PTPRT: variants seen among roughly 807,000 people sequenced by gnomAD.
PTPRT encodes protein tyrosine phosphatase receptor type T.
A neutral mutation model predicts 176.8 loss-of-function variants in PTPRT; 56 were observed. The ratio of observed to expected loss-of-function variants is 0.32; its 90% CI spans 0.26 to 0.40. The LOEUF is 0.40. Ranked by LOEUF, PTPRT falls within the 10% of genes least tolerant of loss-of-function variation. The pLI is 1.00. For synonymous variants in PTPRT, 783 were observed against 739.0 expected (o/e 1.06, Z -0.96); for missense variants, 1,540 against 1,908.2 (o/e 0.81, Z 3.60).
At chr20:42,547,913 AT>A (rs1330463708) in intron 7 of PTPRT, among the ~76,000 whole-genome samples, 4 of 152,036 alleles carry the variant, frequency 2.6e-5, no homozygotes, top group Admixed American at 2.6e-4. Flanking sequence ...AATCAATAGC[AT>A]TTTTCTACAC....
At chr20:42,607,238 G>T (rs370113665) in intron 7 of PTPRT, among the ~76,000 whole-genome samples, 1 of 152,124 alleles carries the variant, frequency 6.6e-6, no homozygotes, top group African/African-American at 2.4e-5. Flanking sequence ...TCTCCATTTT[G>T]CAAGAAAAAG....
chr20:42,291,687 C>T (rs144436321), intron 12 of PTPRT, among the ~76,000 whole-genome samples: 8 of 152,132 alleles, frequency 5.3e-5, no homozygotes, highest in African/African-American at 1.9e-4. Context: ...CACAGACATG[C>T]AAAGGCCTGA....
intron 2 of PTPRT, among the ~76,000 whole-genome samples, chr20:42,863,112 G>A (rs1477278468): frequency 6.6e-6 from 1 of 152,214 alleles, no homozygotes; most frequent in Non-Finnish European, 1.5e-5. Context: ...GTGAACAGCA[G>A]AGCCAGGGTT....
At chr20:42,046,791 G>C in the PTPRT span, among the ~76,000 whole-genome samples, 2 of 152,046 alleles carry the variant, frequency 1.3e-5, no homozygotes, top group Non-Finnish European at 2.9e-5. Flanking sequence ...GTGTGTGTGT[G>C]TGTGTCTGTG....
chr20:42,500,377 T>C (rs2071730906), intron 7 of PTPRT, among the ~76,000 whole-genome samples: 1 of 151,990 alleles, frequency 6.6e-6, no homozygotes, highest in Admixed American at 6.6e-5. Context: ...TTAAATTTTA[T>C]AATTATTATA....
intron 1 of PTPRT, among the ~76,000 whole-genome samples, chr20:43,135,770 A>C (rs1193798082): frequency 6.6e-6 from 1 of 152,176 alleles, no homozygotes; most frequent in Non-Finnish European, 1.5e-5. Context: ...TGCTGCATTA[A>C]AGAATGCAAG....
chr20:42,495,467 C>T (rs1001449647), intron 7 of PTPRT, among the ~76,000 whole-genome samples: 1 of 152,088 alleles, frequency 6.6e-6, no homozygotes, highest in African/African-American at 2.4e-5. Context: ...TGTCCATGCA[C>T]CTGGCATCCT....
At position 42,098,287 on chromosome 20, in the gene PTPRT, G is replaced by A. The variant is rs375171474; in HGVS notation, c.3846+134C>T. ...TAGCAGAATGGCTTGTCTGATGCTC[G>A]TGGCCAGACACTGCTTATTACAAGA... On this transcript the variant is annotated intron_variant, in intron 27 of 30. Coordinates refer to ENST00000373187, the MANE Select transcript of PTPRT (RefSeq NM_007050.6). 2.9e-4 allele frequency: 360 copies of A among 1,237,608 alleles called. 1 individual carries two copies. The highest frequency in any genetic ancestry group is 3.9e-4 in the East Asian group (16 of 40,710). The allele number at this position is 1,237,608 out of a possible 1,614,324, so 76.7% of individuals were successfully genotyped here. A position where few individuals can be genotyped will look rare whatever the true frequency, so the allele number is the denominator to read the frequency against.
intron 1 of PTPRT, among the ~76,000 whole-genome samples, chr20:43,053,348 C>T (rs947745270): frequency 1.3e-5 from 2 of 152,286 alleles, no homozygotes; most frequent in African/African-American, 4.8e-5. Flanking sequence ...TGGTCCCTTG[C>T]CCCTGGGCTT....
chr20:42,308,608 C>G (rs766399086), intron 12 of PTPRT, among the ~76,000 whole-genome samples: 3 of 152,138 alleles, frequency 2.0e-5, no homozygotes, highest in Non-Finnish European at 4.4e-5. Context: ...CTTTAATATA[C>G]ATTGTCTAAT....
Position 42,211,197 on chromosome 20 carries a change from A to G in PTPRT, c.2343-11809T>C, listed in dbSNP as rs528262837. Among the ~76,000 whole-genome samples, 397 of 152,034 alleles carry G rather than the reference A, an allele frequency of 2.6e-3. 2 individuals carry two copies. The highest frequency in any genetic ancestry group is 9.1e-3 in the African/African-American group (374 of 41,284). On this transcript the variant is annotated intron_variant, in intron 15 of 30. Coordinates refer to ENST00000373187, the MANE Select transcript of PTPRT (RefSeq NM_007050.6). ...AGACCTAAAACCATAAAAACCCTAG[A>G]AGGAAACCTAGGCATTACCATTCAG...
rs150178034 is a variant in PTPRT, at chr20:43,049,523, C to T, written c.88+140123G>A. On this transcript the variant is annotated intron_variant, in intron 1 of 30. Coordinates refer to ENST00000373187, the MANE Select transcript of PTPRT (RefSeq NM_007050.6). ...ATAAAACCTGATTATCATCTTCAAT[C>T]CAAACATCTCAGACACAGGTAGACC... is the stretch of plus-strand genomic sequence containing the variant. Among the ~76,000 whole-genome samples, 12 of 152,276 alleles carry T rather than the reference C, an allele frequency of 7.9e-5. No individual in the cohort carries two copies. In the East Asian group the frequency reaches 1.3e-3, roughly 17 times the overall value.
At chr20:43,101,739 T>C (rs904877279) in intron 1 of PTPRT, among the ~76,000 whole-genome samples, 13 of 152,140 alleles carry the variant, frequency 8.5e-5, no homozygotes, top group African/African-American at 2.9e-4. Context: ...GATTATTCCA[T>C]TCAGCTGCTG....
intron 6 of PTPRT, among the ~76,000 whole-genome samples, chr20:42,723,659 T>C (rs2076336258): frequency 6.6e-6 from 1 of 152,192 alleles, no homozygotes; most frequent in African/African-American, 2.4e-5. Flanking sequence ...TTCTACCCAA[T>C]GTAGCCAACT....
intron 7 of PTPRT, among the ~76,000 whole-genome samples, chr20:42,492,199 A>G (rs1007248215): frequency 1.3e-5 from 2 of 152,218 alleles, no homozygotes; most frequent in South Asian, 4.1e-4. Flanking sequence ...CCTGGAATAA[A>G]TGCCTAAGCG....
chr20:43,177,898 A>G (rs3091415), intron 1 of PTPRT, among the ~76,000 whole-genome samples: 1 of 152,194 alleles, frequency 6.6e-6, no homozygotes, highest in East Asian at 1.9e-4. Flanking sequence ...CACTTTTCCA[A>G]CAAAAATGGT....
chr20:42,796,161 C>T (rs1053574347), intron 2 of PTPRT, among the ~76,000 whole-genome samples: 15 of 152,198 alleles, frequency 9.9e-5, no homozygotes, highest in Non-Finnish European at 2.1e-4. Context: ...GCAGAGACTA[C>T]AGGGTCTAGG....
the PTPRT span, among the ~76,000 whole-genome samples, chr20:42,035,934 G>C: frequency 6.6e-6 from 1 of 152,304 alleles, no homozygotes; most frequent in South Asian, 2.1e-4. Flanking sequence ...ATCTAAAGTA[G>C]ACCTTGAGAC....
Position 42,081,966 on chromosome 20 carries a change from C to T in PTPRT, c.4188G>A (p.Glu1396=), listed in dbSNP as rs1222419452. The change falls in exon 30 of 31, where the codon GAG becomes GAA. Residue 1396 remains glutamate, a synonymous_variant. Coordinates refer to ENST00000373187, the MANE Select transcript of PTPRT (RefSeq NM_007050.6). Reference sequence around the variant, plus strand: ...CAATGATGTTTTGCTGCTGGATCATCTCACACACACTGCAGATGGCACAGA... The same window carrying T: ...CAATGATGTTTTGCTGCTGGATCATTTCACACACACTGCAGATGGCACAGA... The part of the protein sequence containing the change: ...GTFCAICSVC[E]MIQQQNIIDV... 1.2e-6 allele frequency: 2 copies of T among 1,614,126 alleles called. No individual in the cohort carries two copies. The highest frequency in any genetic ancestry group is 1.7e-5 in the Admixed American group (1 of 60,010).
Sources: allele counts gnomAD v4.1 joint callset (sites outside exome capture counted in the v4.1 genomes callset), GRCh38; gene constraint gnomAD v4.1.1; transcripts MANE v1.5; gene names NCBI Gene and HGNC (gene_info 2026-07-23, HGNC 2026-07-21).